The following UFD1 variants were observed in gnomAD, a reference collection of about 807,000 sequenced individuals.
UFD1 encodes the protein ubiquitin recognition factor in ER associated degradation 1.
UFD1 carries 13 observed loss-of-function variants against 45.9 expected under a neutral mutation model. That is an observed-to-expected ratio of 0.28 (90% CI 0.18 to 0.45). UFD1 has a LOEUF of 0.45. UFD1 is among the 20% of genes least tolerant of loss of function. The probability of loss-of-function intolerance (pLI) is 1.00; values close to 1 mark genes in which losing one functional copy is unlikely to be tolerated. For synonymous variants in UFD1, 128 were observed against 139.2 expected (o/e 0.92, Z 0.56); for missense variants, 218 against 389.2 (o/e 0.56, Z 3.70).
Position 19,450,738 on chromosome 22 carries a change from C to G in UFD1, c.856G>C (p.Ala286Pro). Residue 286 changes from alanine to proline, a missense_variant, in exon 12 of 12, where the codon GCT (alanine) becomes CCT (proline). Ala to Pro is a conservative substitution (Grantham distance 27). This residue lies in a region of UFD1 where 69 missense variants were observed against 81.7 expected (regional missense o/e 0.84). Transcript: ENST00000263202. ...PLVKKVEEDE[A>P]GGRFVAFSGE... ...GAGAAAGCGACGAATCTGCCTCCAG[C>G]TTCATCCTAGGTTTGAAGAGAAGAT... is the stretch of plus-strand genomic sequence containing the variant. The G allele has an allele frequency of 6.2e-7, 1 of 1,614,142 alleles. No individual in the cohort carries two copies. The highest frequency in any genetic ancestry group is 8.5e-7 in the Non-Finnish European group (1 of 1,180,008).
chr22:19,471,227 G>A, intron 4 of UFD1: 1 of 512,988 alleles, frequency 1.9e-6, no homozygotes, highest in South Asian at 1.4e-5. Flanking sequence ...TGCTTGTAAG[G>A]AAAAAGACGT....
chr22:19,477,385 G>A (rs2089890280), intron 1 of UFD1, among the ~76,000 whole-genome samples: 2 of 152,192 alleles, frequency 1.3e-5, no homozygotes, highest in Non-Finnish European at 2.9e-5. Flanking sequence ...AAGAAATCCT[G>A]TCACATGGAT....
intron 4 of UFD1, chr22:19,469,806 T>C: frequency 2.2e-6 from 1 of 456,336 alleles, no homozygotes; most frequent in South Asian, 1.5e-5. Flanking sequence ...GGTGGCCTGA[T>C]GGCTTCACAC....
In UFD1 at chr22:19,457,842, G is replaced by A. The variant is rs181005261; in HGVS notation, c.564+229C>T. On this transcript the variant is annotated intron_variant, in intron 7 of 11. Coordinates refer to ENST00000263202, the MANE Select transcript of UFD1 (RefSeq NM_005659.7). ...AAAAAAGAATATTCACTCCTCAACG[G>A]GTCAGAGCTAACCATGGCAGCACTG... is the stretch of plus-strand genomic sequence containing the variant. Among the ~76,000 whole-genome samples the A allele has an allele frequency of 2.5e-3, 376 of 152,190 alleles. 2 individuals are homozygous for A. The highest frequency in any genetic ancestry group is 0.014 in the Middle Eastern group (4 of 294).
At chr22:19,454,315 C>T (rs1452772040) in intron 11 of UFD1, 2 of 1,007,348 alleles carry the variant, frequency 2.0e-6, no homozygotes, top group African/African-American at 3.5e-5. Flanking sequence ...TTGGCTGCGT[C>T]CCCACCCAAA....
intron 4 of UFD1, 91 bp downstream of exon 4, chr22:19,471,596 G>A (rs2089846235): frequency 1.9e-6 from 3 of 1,539,040 alleles, no homozygotes; most frequent in South Asian, 1.2e-5. Flanking sequence ...GGAGTAGGCG[G>A]GGCCACCTGC....
chr22:19,452,955 T>C, intron 11 of UFD1: 1 of 831,474 alleles, frequency 1.2e-6, no homozygotes, highest in Non-Finnish European at 1.5e-6. Context: ...TCTGCAAAAT[T>C]GTGCCCATCT....
chr22:19,461,637 G>A (rs1006980455), intron 6 of UFD1, among the ~76,000 whole-genome samples: 2 of 152,080 alleles, frequency 1.3e-5, no homozygotes, highest in South Asian at 2.1e-4. Flanking sequence ...AGGTTATGCC[G>A]ACCTCAGAGA....
chr22:19,471,595 G>A lies in UFD1; in HGVS notation c.291+92C>T, dbSNP rs547725098. The A allele has an allele frequency of 3.8e-5, 59 of 1,535,034 alleles. 1 individual carries two copies. In the South Asian group the frequency reaches 4.9e-4, roughly 13 times the overall value. On this transcript the variant is annotated intron_variant, in intron 4 of 11. Transcript: ENST00000263202. ...AAGACGCTGAGCAGGAGGAGTAGGC[G>A]GGGCCACCTGCTCCAGGGCCAGGAC...
chr22:19,464,691 G>A (rs761146991), intron 6 of UFD1, among the ~76,000 whole-genome samples: 1 of 152,258 alleles, frequency 6.6e-6, no homozygotes, highest in Non-Finnish European at 1.5e-5. Context: ...AAAACAGGAG[G>A]TGGAGGAGGA....
At chr22:19,467,147 G>A (rs1300927021) in intron 5 of UFD1, 1 of 151,224 alleles carries the variant, frequency 6.6e-6, no homozygotes, top group African/African-American at 2.4e-5. Flanking sequence ...CTATCTGTCT[G>A]TGTTGTTTGA....
At chr22:19,453,311 C>T (rs2089697489) in intron 11 of UFD1, 1 of 985,422 alleles carries the variant, frequency 1.0e-6, no homozygotes, top group African/African-American at 1.7e-5. Flanking sequence ...CCTCCTCTTC[C>T]ACTGTCTTTC....
intron 4 of UFD1, chr22:19,470,051 A>G (rs2089832640): frequency 3.9e-6 from 2 of 514,992 alleles, no homozygotes; most frequent in Non-Finnish European, 7.7e-6. Flanking sequence ...AGCTACCTAG[A>G]GTGGCTTCAG....
chr22:19,470,561 T>A, intron 4 of UFD1: 1 of 354,340 alleles, frequency 2.8e-6, no homozygotes, highest in South Asian at 2.1e-5. Flanking sequence ...CTTGCCTCGG[T>A]CTCCCAAGTA....
chr22:19,476,770 GC>G (rs2089884950), intron 1 of UFD1, among the ~76,000 whole-genome samples: 1 of 151,990 alleles, frequency 6.6e-6, no homozygotes, highest in African/African-American at 2.4e-5. Flanking sequence ...ACTTTGGGAG[GC>G]AGAGGCAGGT....
chr22:19,454,706 T>C, intron 11 of UFD1, 43 bp downstream of exon 11: 2 of 1,613,184 alleles, frequency 1.2e-6, no homozygotes, highest in Non-Finnish European at 1.7e-6. Context: ...AGCAAATAAA[T>C]CTCCTCATTA....
chr22:19,470,366 T>C (rs1160260239), intron 4 of UFD1, among the ~76,000 whole-genome samples: 1 of 151,986 alleles, frequency 6.6e-6, no homozygotes, highest in African/African-American at 2.4e-5. Context: ...CTGAAGAGGA[T>C]GCCACTACCA....
Position 19,479,167 on chromosome 22 carries a change from G to C in UFD1, c.-82C>G, listed in dbSNP as rs1014976404. On this transcript the variant is annotated 5_prime_UTR_variant, in exon 1 of 12. Coordinates refer to ENST00000263202, the MANE Select transcript of UFD1 (RefSeq NM_005659.7). The stretch of plus-strand genomic sequence containing the variant: ...GCCGACCGCTCTCCCAGCCGCCGCT[G>C]CCGCTGCCGCCGCGCCAAGCCGGTA... The C allele has an allele frequency of 6.4e-7, 1 of 1,567,186 alleles. No homozygotes were observed. The highest frequency in any genetic ancestry group is 1.4e-5 in the African/African-American group (1 of 73,536).
At chr22:19,456,477 C>G (rs1374842120) in intron 9 of UFD1, 110 bp downstream of exon 9, 1 of 1,455,972 alleles carries the variant, frequency 6.9e-7, no homozygotes. Flanking sequence ...TACCCAGAGG[C>G]CTAACCCCTG....
Sources: allele counts gnomAD v4.1 joint callset (sites outside exome capture counted in the v4.1 genomes callset), GRCh38; gene constraint gnomAD v4.1.1; regional missense constraint gnomAD v4.1.1; transcripts MANE v1.5; gene names NCBI Gene and HGNC (gene_info 2026-07-23, HGNC 2026-07-21).